Variants in MTMR8 observed in about 807,000 individuals in gnomAD.
MTMR8 encodes phosphatidylinositol-3,5-bisphosphate 3-phosphatase MTMR8.
In MTMR8, 65 loss-of-function variants were observed where a neutral mutation model predicts 39.3. The ratio of observed to expected loss-of-function variants is 1.65; its 90% CI spans 1.35 to 2.03. The LOEUF is 2.03. Ranked by LOEUF, MTMR8 falls within the 30% of genes most tolerant of loss-of-function variation. The pLI, the probability that MTMR8 is intolerant of heterozygous loss-of-function variation, is 0.00. For missense variants in MTMR8, 777 were observed against 538.9 expected, an observed-to-expected ratio of 1.44 and a Z score of -4.37; for synonymous variants, 245 against 185.2, an observed-to-expected ratio of 1.32 and a Z score of -2.62.
At chrX:64,297,898 G>A (rs1401550305) in intron 12 of MTMR8, among the ~76,000 whole-genome samples, 1 of 103,150 alleles carries the variant, frequency 9.7e-6, no homozygotes, top group Non-Finnish European at 2.0e-5. Flanking sequence ...TTGTAGGTAG[G>A]CGGCGTTATT....
chrX:64,347,987 C>G (rs1400973588), intron 6 of MTMR8, among the ~76,000 whole-genome samples: 1 of 112,016 alleles, frequency 8.9e-6, no homozygotes, highest in Non-Finnish European at 1.9e-5. Context: ...TTGGAAAGAT[C>G]AAAGGATTTG....
At chrX:64,343,520 C>A (rs1923268387) in intron 8 of MTMR8, 91 bp downstream of exon 8, 1 of 548,936 alleles carries the variant, frequency 1.8e-6, no homozygotes, top group South Asian at 3.4e-5. Flanking sequence ...AACTAGATTT[C>A]TTTTCAATAT....
chrX:64,284,558 T>A (rs113414464), intron 12 of MTMR8, among the ~76,000 whole-genome samples: 1 of 111,596 alleles, frequency 9.0e-6, no homozygotes, highest in South Asian at 3.8e-4. Context: ...GAAAAAATGT[T>A]AAGGGCAGCC....
At chrX:64,284,506 C>T (rs1305350292) in intron 12 of MTMR8, among the ~76,000 whole-genome samples, 1 of 111,086 alleles carries the variant, frequency 9.0e-6, no homozygotes, top group Non-Finnish European at 1.9e-5. Context: ...AAGAGCAATT[C>T]CAAGACACAT....
rs1923719746 is a variant in MTMR8 at position 64,359,475 on chromosome X, C to T, written c.77G>A (p.Gly26Glu). The stretch of plus-strand genomic sequence containing the variant: ...GTGGGTTGCAGTAAGATAAAGAATC[C>T]CATTAGCTGGTTTCTTACTCACATA... Reference protein sequence around the residue: ...DRYVSKKPANGILYLTATHLI... With the variant: ...DRYVSKKPANEILYLTATHLI... The change falls in exon 2 of 14, where the codon GGG becomes GAG. Residue 26 changes from glycine (G) to glutamate (E), a missense_variant. By Grantham distance (98) the Gly-to-Glu change is moderately conservative. Transcript: ENST00000374852. 1 of 1,206,140 alleles carries T rather than the reference C, an allele frequency of 8.3e-7. No individual in the cohort carries two copies. The highest frequency in any genetic ancestry group is 1.8e-5 in the African/African-American group (1 of 56,928).
intron 12 of MTMR8, among the ~76,000 whole-genome samples, chrX:64,287,190 A>C (rs1422391213): frequency 1.8e-5 from 2 of 111,666 alleles, no homozygotes; most frequent in Non-Finnish European, 3.8e-5. Flanking sequence ...AGAGAGCCAA[A>C]TCATGAGTGA....
In MTMR8 at chrX:64,395,336, T is replaced by C. The variant is rs1274378267; in HGVS notation, c.24+4A>G. 8.3e-7 allele frequency: 1 copy of C among 1,210,540 alleles called. No individual in the cohort carries two copies. The highest frequency in any genetic ancestry group is 1.1e-6 in the Non-Finnish European group (1 of 894,894). On this transcript the variant is annotated splice_donor_region_variant and intron_variant, in intron 1 of 13. Coordinates refer to ENST00000374852, the MANE Select transcript of MTMR8 (RefSeq NM_017677.4). ...TGTCAGCCTCGCTTAACTCTTCTCC[T>C]TACCTTGGGTACCGTAATATGATCC... is the stretch of plus-strand genomic sequence containing the variant.
chrX:64,290,051 T>G (rs1013244795), intron 12 of MTMR8, among the ~76,000 whole-genome samples: 1 of 110,837 alleles, frequency 9.0e-6, no homozygotes, highest in African/African-American at 3.3e-5. Flanking sequence ...AGGTAGGGTT[T>G]CAGATGAAAA....
intron 12 of MTMR8, among the ~76,000 whole-genome samples, chrX:64,308,531 A>G (rs1337768911): frequency 1.8e-5 from 2 of 110,157 alleles, no homozygotes; most frequent in East Asian, 5.6e-4. Flanking sequence ...TTTATAATTC[A>G]GAATATAGTA....
intron 8 of MTMR8, among the ~76,000 whole-genome samples, chrX:64,338,855 C>T (rs1452249947): frequency 9.0e-6 from 1 of 111,593 alleles, no homozygotes. Flanking sequence ...AGAGACTAGT[C>T]ATGGGATGAA....
At chrX:64,354,970 T>A (rs377286305) in intron 3 of MTMR8, 36 bp from the exon 4 acceptor site, 1 of 1,090,158 alleles carries the variant, frequency 9.2e-7, no homozygotes, top group East Asian at 3.2e-5. Flanking sequence ...AACAAAATGA[T>A]GAATGAAACC....
At chrX:64,349,817 A>G in intron 5 of MTMR8, 125 bp downstream of exon 5, 2 of 485,639 alleles carry the variant, frequency 4.1e-6, no homozygotes, top group Non-Finnish European at 6.1e-6. Context: ...CTTCAGAAGT[A>G]TGAAAGTCCA....
At chrX:64,352,061 G>A (rs1224213989) in intron 4 of MTMR8, among the ~76,000 whole-genome samples, 1 of 111,748 alleles carries the variant, frequency 8.9e-6, no homozygotes, top group Non-Finnish European at 1.9e-5. Flanking sequence ...GCTTAAAACT[G>A]TTTGTACAAA....
intron 12 of MTMR8, among the ~76,000 whole-genome samples, chrX:64,286,935 T>G (rs1234935200): frequency 2.7e-5 from 3 of 111,426 alleles, no homozygotes; most frequent in Non-Finnish European, 5.6e-5. Context: ...CCACTCCTAT[T>G]CAACATAGTG....
intron 12 of MTMR8, among the ~76,000 whole-genome samples, chrX:64,319,944 C>T (rs1279390653): frequency 9.0e-6 from 1 of 111,230 alleles, no homozygotes; most frequent in Non-Finnish European, 1.9e-5. Context: ...TGTGAAGTAA[C>T]TTATTGGTAG....
chrX:64,277,047 G>C (rs1413621337), intron 12 of MTMR8, among the ~76,000 whole-genome samples: 1 of 111,386 alleles, frequency 9.0e-6, no homozygotes, highest in African/African-American at 3.3e-5. Flanking sequence ...TTTAAAGTCT[G>C]TTTTAAGACT....
intron 12 of MTMR8, among the ~76,000 whole-genome samples, chrX:64,301,191 C>T (rs1247639572): frequency 9.1e-6 from 1 of 110,092 alleles, no homozygotes; most frequent in Non-Finnish European, 1.9e-5. Context: ...TGGTTCCATT[C>T]TCCTCATCAC....
intron 12 of MTMR8, among the ~76,000 whole-genome samples, chrX:64,289,996 G>A (rs1015926535): frequency 1.8e-5 from 2 of 110,986 alleles, no homozygotes; most frequent in Non-Finnish European, 3.8e-5. Context: ...TAGGTGGAAT[G>A]ATTTATTTAA....
At chrX:64,275,012 T>C (rs1256663077) in intron 12 of MTMR8, among the ~76,000 whole-genome samples, 3 of 111,550 alleles carry the variant, frequency 2.7e-5, no homozygotes, top group Non-Finnish European at 5.6e-5. Flanking sequence ...TTGACAATAA[T>C]GTATTGCATA....
Sources: allele counts gnomAD v4.1 joint callset (sites outside exome capture counted in the v4.1 genomes callset), GRCh38; gene constraint gnomAD v4.1.1; transcripts MANE v1.5; gene names NCBI Gene and HGNC (gene_info 2026-07-23, HGNC 2026-07-21).